The following HOXC4 variants were observed in gnomAD, a reference collection of about 807,000 sequenced individuals.
HOXC4 encodes the protein homeobox C4.
HOXC4 carries 15 observed loss-of-function variants against 25.5 expected under a neutral mutation model. The observed-to-expected ratio is 0.59, with a 90% confidence interval of 0.39 to 0.91. The LOEUF is 0.91. Ranked by LOEUF, HOXC4 falls within the 40% of genes least tolerant of loss-of-function variation. The pLI, the probability that HOXC4 is intolerant of heterozygous loss-of-function variation, is 0.00. For synonymous variants in HOXC4, 165 were observed against 148.0 expected (o/e 1.11, Z -0.83); for missense variants, 342 against 352.4 (o/e 0.97, Z 0.24).
intron 1 of HOXC4, among the ~76,000 whole-genome samples, chr12:54,031,051 G>C (rs956975402): frequency 4.6e-5 from 7 of 152,258 alleles, no homozygotes; most frequent in Admixed American, 4.6e-4. Flanking sequence ...CACACCCTGC[G>C]GGAAAAAGCC....
At chr12:54,025,596 T>C (rs979296117) in intron 1 of HOXC4, among the ~76,000 whole-genome samples, 10 of 152,006 alleles carry the variant, frequency 6.6e-5, no homozygotes, top group Admixed American at 2.0e-4. Flanking sequence ...TTTATTTGTA[T>C]TTCTGTTTCC....
chr12:54,033,461 G>C (rs1001521503), intron 1 of HOXC4: 8 of 1,598,558 alleles, frequency 5.0e-6, no homozygotes, highest in Non-Finnish European at 6.8e-6. Flanking sequence ...AGCGAGCTAA[G>C]AGCAGTGGGG....
At chr12:54,041,595 T>A (rs962140554) in intron 1 of HOXC4, among the ~76,000 whole-genome samples, 6 of 152,180 alleles carry the variant, frequency 3.9e-5, no homozygotes, top group Non-Finnish European at 8.8e-5. Context: ...GTGGGAAGGA[T>A]AAGGATGAGA....
At chr12:54,024,811 C>T (rs548268378) in intron 1 of HOXC4, among the ~76,000 whole-genome samples, 206 of 152,310 alleles carry the variant, frequency 1.4e-3, no homozygotes, top group Non-Finnish European at 2.1e-3. Flanking sequence ...CTTGGGGACT[C>T]CAGGCCAGTG....
At chr12:54,047,034 C>T (rs1937728135) in intron 1 of HOXC4, among the ~76,000 whole-genome samples, 1 of 152,186 alleles carries the variant, frequency 6.6e-6, no homozygotes, top group African/African-American at 2.4e-5. Flanking sequence ...CGCTGACTGG[C>T]GTAAAGTTGT....
chr12:54,051,890 T>A (rs1348560000), upstream of HOXC4, among the ~76,000 whole-genome samples: 1 of 152,136 alleles, frequency 6.6e-6, no homozygotes, highest in Non-Finnish European at 1.5e-5. Context: ...GTGGGGACCC[T>A]CTCCAACATC....
chr12:54,028,604 C>T, intron 1 of HOXC4: 1 of 1,614,128 alleles, frequency 6.2e-7, no homozygotes, highest in Non-Finnish European at 8.5e-7. Context: ...GCCCTCAATT[C>T]CACCGCCTAT....
At chr12:54,024,569 T>A (rs1377989566) in intron 1 of HOXC4, among the ~76,000 whole-genome samples, 4 of 152,066 alleles carry the variant, frequency 2.6e-5, no homozygotes, top group Admixed American at 2.6e-4. Flanking sequence ...CAAATATCCC[T>A]CCCCAGGAAA....
At chr12:54,029,500 TGG>T in intron 1 of HOXC4, 1 of 434,818 alleles carries the variant, frequency 2.3e-6, no homozygotes, top group South Asian at 2.5e-5. Context: ...GTACCCCCAG[TGG>T]GGGTGGGGCA....
chr12:54,042,067 C>A (rs1281329773), intron 1 of HOXC4, among the ~76,000 whole-genome samples: 1 of 151,420 alleles, frequency 6.6e-6, no homozygotes, highest in Non-Finnish European at 1.5e-5. Context: ...CAAACTCTGC[C>A]TCCTGGGTTC....
At chr12:54,045,979 T>A (rs938078185) in intron 1 of HOXC4, among the ~76,000 whole-genome samples, 1 of 151,194 alleles carries the variant, frequency 6.6e-6, no homozygotes, top group Non-Finnish European at 1.5e-5. Flanking sequence ...AAGGGGAGAG[T>A]CCTCCAGCCC....
intron 1 of HOXC4, among the ~76,000 whole-genome samples, chr12:54,042,297 G>A (rs1362994659): frequency 6.6e-6 from 1 of 152,164 alleles, no homozygotes; most frequent in Non-Finnish European, 1.5e-5. Flanking sequence ...TCTTTTATGA[G>A]TTAGAATTAA....
At chr12:54,017,907 C>T (rs1940229364) in intron 1 of HOXC4, among the ~76,000 whole-genome samples, 1 of 152,164 alleles carries the variant, frequency 6.6e-6, no homozygotes, top group African/African-American at 2.4e-5. Flanking sequence ...TGTCTGGCAG[C>T]CCCCTCCCTC....
intron 1 of HOXC4, chr12:54,029,487 G>T (rs1940896521): frequency 5.6e-6 from 3 of 532,462 alleles, no homozygotes; most frequent in East Asian, 3.3e-5. Flanking sequence ...TGGGGTCCTC[G>T]CTGTACCCCC....
chr12:54,041,156 A>G (rs1207588909), intron 1 of HOXC4, among the ~76,000 whole-genome samples: 1 of 152,232 alleles, frequency 6.6e-6, no homozygotes, highest in East Asian at 1.9e-4. Context: ...GTTTGAGTTT[A>G]CATGGATTAG....
At chr12:54,037,190 T>G (rs1045041057) in intron 1 of HOXC4, among the ~76,000 whole-genome samples, 5 of 152,212 alleles carry the variant, frequency 3.3e-5, no homozygotes, top group Non-Finnish European at 5.9e-5. Flanking sequence ...GCCAGAGGCC[T>G]CGTACCTACT....
At chr12:54,022,876 TAGA>T (rs1353763494) in intron 1 of HOXC4, among the ~76,000 whole-genome samples, 1 of 152,166 alleles carries the variant, frequency 6.6e-6, no homozygotes, top group Non-Finnish European at 1.5e-5. Context: ...TGGAGGGGTA[TAGA>T]AGAAGCCAGG....
intron 1 of HOXC4, chr12:54,019,870 C>G (rs1201952685): frequency 6.6e-6 from 1 of 152,128 alleles, no homozygotes; most frequent in Admixed American, 6.6e-5. Flanking sequence ...GCAGCTCCCC[C>G]ACCCCCATCC....
At chr12:54,031,422 G>T (rs1258744307) in intron 1 of HOXC4, among the ~76,000 whole-genome samples, 3 of 152,240 alleles carry the variant, frequency 2.0e-5, no homozygotes, top group Admixed American at 2.0e-4. Flanking sequence ...GCTCTCGCCT[G>T]CTCTGGTACT....
Sources: gnomAD v4.1 joint callset for allele counts (sites outside exome capture counted in the v4.1 genomes callset) on GRCh38, gnomAD v4.1.1 for gene constraint, MANE v1.5 for transcripts, NCBI Gene and HGNC (gene_info 2026-07-23, HGNC 2026-07-21) for gene names.